Variants in ADAMTS20 observed in about 807,000 individuals in gnomAD.
The protein encoded by ADAMTS20 is ADAM metallopeptidase with thrombospondin type 1 motif 20, also known as A disintegrin and metalloproteinase with thrombospondin motifs 20.
ADAMTS20 carries 225 observed loss-of-function variants against 260.1 expected under a neutral mutation model. That is an observed-to-expected ratio of 0.87 (90% CI 0.78 to 0.97). The LOEUF is 0.97. Ranked by LOEUF, ADAMTS20 falls within the 50% of genes least tolerant of loss-of-function variation. The probability of loss-of-function intolerance (pLI) is 0.00; values close to 1 mark genes in which losing one functional copy is unlikely to be tolerated. For synonymous variants in ADAMTS20, 802 were observed against 769.5 expected, an observed-to-expected ratio of 1.04 and a Z score of -0.70; for missense variants, 2,400 against 2,337.7, an observed-to-expected ratio of 1.03 and a Z score of -0.55.
At chr12:43,355,898 C>T (rs1337058924) in intron 38 of ADAMTS20, among the ~76,000 whole-genome samples, 1 of 151,770 alleles carries the variant, frequency 6.6e-6, no homozygotes, top group Non-Finnish European at 1.5e-5. Context: ...TATATAAATA[C>T]TACATAACAG....
At chr12:43,477,836 G>A (rs571186491) in intron 7 of ADAMTS20, among the ~76,000 whole-genome samples, 4 of 152,286 alleles carry the variant, frequency 2.6e-5, no homozygotes, top group South Asian at 4.1e-4. Context: ...GAAGCTTCAA[G>A]GTGCATGTGG....
In ADAMTS20 at chr12:43,497,334, A is replaced by G. The variant is rs1331417130; in HGVS notation, c.868-4081T>C. On this transcript the variant is annotated intron_variant, in intron 4 of 38. Coordinates refer to ENST00000389420, the MANE Select transcript of ADAMTS20 (RefSeq NM_025003.5). ...AAATTGCTATCACCATTAACTTACC[A>G]ACCATTTTGAAAATAATTTCTAGAT... 2.0e-5 allele frequency among the ~76,000 whole-genome samples: 3 copies of G among 152,318 alleles called. No homozygotes were observed. The East Asian group carries it at 5.8e-4, about 29-fold the overall frequency.
chr12:43,421,642 T>C (rs1465727422), intron 28 of ADAMTS20, among the ~76,000 whole-genome samples: 1 of 152,072 alleles, frequency 6.6e-6, no homozygotes, highest in Non-Finnish European at 1.5e-5. Flanking sequence ...AGCATATCTA[T>C]TTTTAACTTA....
chr12:43,454,141 A>T, intron 11 of ADAMTS20, 89 bp from the exon 12 acceptor site: 10 of 1,396,462 alleles, frequency 7.2e-6, no homozygotes, highest in Admixed American at 2.6e-5. Context: ...AGATCAACAG[A>T]AGAACAAACT....
intron 7 of ADAMTS20, among the ~76,000 whole-genome samples, chr12:43,487,949 T>C (rs375646007): frequency 1.8e-4 from 28 of 152,172 alleles, no homozygotes; most frequent in African/African-American, 6.8e-4. Context: ...ACATTTCAGA[T>C]TCTAAGAAAA....
chr12:43,519,132 T>C (rs375385476), intron 3 of ADAMTS20, among the ~76,000 whole-genome samples: 156 of 152,274 alleles, frequency 1.0e-3, no homozygotes, highest in African/African-American at 3.4e-3. Flanking sequence ...GCTTCCACTG[T>C]TAGAGTTTAG....
chr12:43,488,930 T>A (rs1438630968), intron 7 of ADAMTS20, among the ~76,000 whole-genome samples: 2 of 152,118 alleles, frequency 1.3e-5, no homozygotes, highest in Non-Finnish European at 2.9e-5. Context: ...TTCCTATTTG[T>A]TATACATAAC....
chr12:43,390,786 C>T (rs1940580430), intron 29 of ADAMTS20, among the ~76,000 whole-genome samples: 2 of 152,204 alleles, frequency 1.3e-5, no homozygotes, highest in Non-Finnish European at 2.9e-5. Flanking sequence ...GAGGCTCTCT[C>T]TAAAGCTCTC....
At position 43,427,309 on chromosome 12, in the gene ADAMTS20, T is replaced by C; in HGVS notation, c.4106A>G (p.Glu1369Gly). 6.2e-7 allele frequency: 1 copy of C among 1,611,144 alleles called. No individual in the cohort carries two copies. Among genetic ancestry groups the C allele is most frequent in the South Asian group, 1.1e-5 (1 of 90,398 alleles). ...CPQWNYGNWG[E>G]CSQTCGGGIK... ...AGTTTAGAAAATATTATGACTTACT[T>C]CTCCCCAATTTCCGTAGTTCCACTG... The change falls in exon 27 of 39, where the codon GAA becomes GGA. Residue 1369 changes from glutamate to glycine, a missense_variant and splice_region_variant. Transcript: ENST00000389420.
chr12:43,545,677 A>G (rs1404091956), intron 2 of ADAMTS20, among the ~76,000 whole-genome samples: 3 of 151,736 alleles, frequency 2.0e-5, no homozygotes, highest in Non-Finnish European at 4.4e-5. Context: ...AGAGCCATAG[A>G]CTCTTGTTCT....
chr12:43,432,293 GT>G lies in ADAMTS20; in HGVS notation c.3096+10del, dbSNP rs776624522. On this transcript the variant is annotated intron_variant, in intron 21 of 38. Coordinates refer to ENST00000389420, the MANE Select transcript of ADAMTS20 (RefSeq NM_025003.5). ...ATTTTAATAGTTCCAAGCATCATGT[GT>G]TTAATGTACCTCGCTCCATTCACTA... 2.5e-6 allele frequency: 4 copies of G among 1,611,544 alleles called. No homozygotes were observed. Among genetic ancestry groups the G allele is most frequent in the Non-Finnish European group, 2.5e-6 (3 of 1,178,586 alleles).
At chr12:43,489,671 T>A (rs576259559) in intron 7 of ADAMTS20, among the ~76,000 whole-genome samples, 124 of 152,048 alleles carry the variant, frequency 8.2e-4, no homozygotes, top group African/African-American at 2.8e-3. Flanking sequence ...AAATAATTTG[T>A]TATATCTTAT....
chr12:43,435,678 T>TAA (rs1941540094), intron 18 of ADAMTS20, among the ~76,000 whole-genome samples: 5 of 92,888 alleles, frequency 5.4e-5, no homozygotes, highest in East Asian at 5.5e-4. Flanking sequence ...AAAATAAAAA[T>TAA]AAAATAAAAA....
intron 2 of ADAMTS20, 64 bp downstream of exon 2, chr12:43,550,845 C>A: frequency 1.4e-6 from 2 of 1,457,704 alleles, no homozygotes; most frequent in East Asian, 4.9e-5. Context: ...CCCAAGGCCC[C>A]GTTCGCTGAA....
At chr12:43,519,307 C>A (rs554368878) in intron 3 of ADAMTS20, among the ~76,000 whole-genome samples, 6 of 152,146 alleles carry the variant, frequency 3.9e-5, no homozygotes, top group African/African-American at 1.4e-4. Flanking sequence ...CTGGAGCCAC[C>A]CATAACTACA....
rs373746834 is a variant in ADAMTS20, at chr12:43,501,481, G to GCGCACACACACACACACA, written c.867+670_867+671insTGTGTGTGTGTGTGTGCG. 3.8e-3 allele frequency among the ~76,000 whole-genome samples: 448 copies of GCGCACACACACACACACA among 117,776 alleles called. 4 individuals are homozygous for GCGCACACACACACACACA. The highest frequency in any genetic ancestry group is 0.013 in the East Asian group (47 of 3,748). The allele number at this position is 117,776 out of a possible 152,430, so 77.3% of individuals were successfully genotyped here. A position where few individuals can be genotyped will look rare whatever the true frequency, so the allele number is the denominator to read the frequency against. Reference sequence around the variant, plus strand: ...GGGATACGCGCGCGCGCGCGCGCGCGCACACACACACACACACACACATGT... The same window carrying GCGCACACACACACACACA: ...GGGATACGCGCGCGCGCGCGCGCGCGCGCACACACACACACACACACACACACACACACACACACATGT... On this transcript the variant is annotated intron_variant, in intron 4 of 38. Transcript: ENST00000389420.
In ADAMTS20 at chr12:43,551,135, A is replaced by T. The variant is rs1344003357; in HGVS notation, c.227T>A (p.Phe76Tyr). The change falls in exon 2 of 39, where the codon TTC becomes TAC. Residue 76 changes from phenylalanine (F) to tyrosine (Y), a missense_variant. Transcript: ENST00000389420. This position sits in a 1 kb window ranked among gnomAD's most constrained non-coding sequence, Gnocchi z 4.6. The stretch of plus-strand genomic sequence containing the variant: ...GGCAGTGAAGCGATAGTGGGTTCGG[A>T]ACGGCATGGGTTCCAGCGCCTCGGA... The part of the protein sequence containing the change: ...RSSEALEPMP[F>Y]RTHYRFTAYG... The T allele has an allele frequency of 6.2e-7, 1 of 1,613,782 alleles. No homozygotes were observed. Among genetic ancestry groups the T allele is most frequent in the Non-Finnish European group, 8.5e-7 (1 of 1,179,870 alleles).
intron 29 of ADAMTS20, among the ~76,000 whole-genome samples, chr12:43,389,125 C>A (rs1940544933): frequency 6.6e-6 from 1 of 152,182 alleles, no homozygotes; most frequent in African/African-American, 2.4e-5. Context: ...CATTCCATCT[C>A]AATAATACCA....
intron 3 of ADAMTS20, among the ~76,000 whole-genome samples, chr12:43,524,515 T>G (rs1163413549): frequency 6.6e-6 from 1 of 152,064 alleles, no homozygotes; most frequent in African/African-American, 2.4e-5. Flanking sequence ...AGATGAAATC[T>G]TTGAAATGCC....
Sources: gnomAD v4.1 joint callset for allele counts (sites outside exome capture counted in the v4.1 genomes callset) on GRCh38, gnomAD v4.1.1 for gene constraint, Gnocchi (gnomAD v3.1) non-coding constraint, MANE v1.5 for transcripts, NCBI Gene and HGNC (gene_info 2026-07-23, HGNC 2026-07-21) for gene names.